The following EPRS1 variants were observed in gnomAD, a reference collection of about 807,000 sequenced individuals.
The protein encoded by EPRS1 is glutamyl-prolyl-tRNA synthetase 1.
EPRS1 carries 107 observed loss-of-function variants against 188.3 expected under a neutral mutation model. The ratio of observed to expected loss-of-function variants is 0.57; its 90% CI spans 0.49 to 0.67. EPRS1 has a LOEUF of 0.67. EPRS1 is among the 30% of genes least tolerant of loss of function. The pLI is 0.00. For synonymous variants in EPRS1, 596 were observed against 593.1 expected, an observed-to-expected ratio of 1.00 and a Z score of -0.07; for missense variants, 1,577 against 1,802.2, an observed-to-expected ratio of 0.88 and a Z score of 2.26.
chr1:220,028,173 T>C (rs1662019731), intron 6 of EPRS1, among the ~76,000 whole-genome samples: 3 of 152,194 alleles, frequency 2.0e-5, no homozygotes, highest in African/African-American at 7.2e-5. Flanking sequence ...AATATTGTGG[T>C]GTACTTTTAA....
Position 219,978,971 on chromosome 1 carries a change from T to G in EPRS1, c.3910-252A>C, listed in dbSNP as rs542748418. 5.5e-3 allele frequency among the ~76,000 whole-genome samples: 795 copies of G among 143,278 alleles called. 5 individuals are homozygous for G. Among genetic ancestry groups the G allele is most frequent in the Non-Finnish European group, 7.3e-3 (471 of 64,438 alleles). 94.0% of individuals were successfully genotyped at this position (143,278 alleles called of 152,430 possible). A position where few individuals can be genotyped will look rare whatever the true frequency, so the allele number is the denominator to read the frequency against. On this transcript the variant is annotated intron_variant, in intron 27 of 31. Transcript: ENST00000366923. ...GTATATATATATATATATATTTTTT[T>G]TTCCCCCCCAGCCTCCCAAGTAGCT...
In EPRS1 at chr1:219,980,217, A is replaced by G. The variant is rs2102563395; in HGVS notation, c.3579T>C (p.Tyr1193=). The change falls in exon 26 of 32, where the codon TAT becomes TAC. Residue 1193 remains tyrosine, a synonymous_variant. Transcript: ENST00000366923. ...AEEVLQILDL[Y]AQVYEELLAI... ...CCAGGAGTTCTTCATATACCTGAGC[A>G]TATAAGTCAAGTATCTGCAAGACCT... is the stretch of plus-strand genomic sequence containing the variant. 1 of 1,612,752 alleles carries G rather than the reference A, an allele frequency of 6.2e-7. No homozygotes were observed. Among genetic ancestry groups the G allele is most frequent in the Non-Finnish European group, 8.5e-7 (1 of 1,179,232 alleles).
chr1:220,005,755 G>A (rs570358841), intron 15 of EPRS1, among the ~76,000 whole-genome samples: 2 of 149,820 alleles, frequency 1.3e-5, no homozygotes, highest in Admixed American at 1.3e-4. Flanking sequence ...CCTCAGGTAA[G>A]TTACTCAACT....
Position 219,996,892 on chromosome 1 carries a change from C to T in EPRS1, c.2541+91G>A, listed in dbSNP as rs1000404774. ...GTTGATTATTACATCAAAATATGAG[C>T]AGTCGATGTTTTATAAGAAGATGAG... On this transcript the variant is annotated intron_variant, in intron 18 of 31. Transcript: ENST00000366923. 17 of 1,274,452 alleles carry T rather than the reference C, an allele frequency of 1.3e-5. No individual in the cohort carries two copies. The South Asian group carries it at 1.3e-4, about 10-fold the overall frequency. 78.9% of individuals were successfully genotyped at this position (1,274,452 alleles called of 1,614,324 possible). A position where few individuals can be genotyped will look rare whatever the true frequency, so the allele number is the denominator to read the frequency against.
At chr1:219,969,898 G>A (rs1035220724) in intron 30 of EPRS1, among the ~76,000 whole-genome samples, 6 of 151,978 alleles carry the variant, frequency 3.9e-5, no homozygotes, top group African/African-American at 1.5e-4. Context: ...TTGGCTCATT[G>A]CAACCTCTGC....
In EPRS1 at chr1:219,983,367, T is replaced by C; in HGVS notation, c.3122A>G (p.His1041Arg). The change falls in exon 22 of 32, where the codon CAT (histidine) becomes CGT (arginine). Residue 1041 changes from histidine (H) to arginine (R), a missense_variant. Physicochemically the swap from His to Arg is conservative, Grantham distance 29. Coordinates refer to ENST00000366923, the MANE Select transcript of EPRS1 (RefSeq NM_004446.3). Reference protein sequence around the residue: ...VITKSEMIEYHDISGCYILRP... With the variant: ...VITKSEMIEYRDISGCYILRP... ...AAGAATATAACAGCCACTTATGTCA[T>C]GGTATTCAATCATTTCTGACTTTGT... 2 of 1,613,712 alleles carry C rather than the reference T, an allele frequency of 1.2e-6. No homozygotes were observed. Among genetic ancestry groups the C allele is most frequent in the African/African-American group, 1.3e-5 (1 of 75,066 alleles).
rs1661839519 is a variant in EPRS1 at position 220,020,094 on chromosome 1, T to C, written c.1243A>G (p.Ile415Val). The C allele has an allele frequency of 6.2e-7, 1 of 1,613,920 alleles. No individual in the cohort carries two copies. The highest frequency in any genetic ancestry group is 1.3e-5 in the African/African-American group (1 of 74,942). Reference sequence around the variant, plus strand: ...TATTCCCAAATATATGGTTTTCTTATGCCTAAAGCTTCAATAATCCAGTAA... The same window carrying C: ...TATTCCCAAATATATGGTTTTCTTACGCCTAAAGCTTCAATAATCCAGTAA... ...QFYWIIEALG[I>V]RKPYIWEYSR... Residue 415 changes from isoleucine to valine, a missense_variant, in exon 10 of 32, where the codon ATA (isoleucine) becomes GTA (valine). Coordinates refer to ENST00000366923, the MANE Select transcript of EPRS1 (RefSeq NM_004446.3).
chr1:219,991,244 A>C (rs939814923), intron 18 of EPRS1, among the ~76,000 whole-genome samples: 3 of 151,880 alleles, frequency 2.0e-5, no homozygotes, highest in Non-Finnish European at 4.4e-5. Context: ...AAAAAAAAAA[A>C]AAAACCTGGA....
chr1:219,987,778 A>C (rs1661034032), intron 19 of EPRS1, among the ~76,000 whole-genome samples: 1 of 152,190 alleles, frequency 6.6e-6, no homozygotes, highest in Non-Finnish European at 1.5e-5. Flanking sequence ...ACAGTCTATA[A>C]CTGCATTATC....
Position 220,023,001 on chromosome 1 carries a change from T to A in EPRS1, c.944-483A>T, listed in dbSNP as rs965665203. On this transcript the variant is annotated intron_variant, in intron 8 of 31. Transcript: ENST00000366923. Reference sequence around the variant, plus strand: ...AGGCATTGGCACTACAGACCGTGCCTATCTAAAGAACACAGCTCAGGTTGA... The same window carrying A: ...AGGCATTGGCACTACAGACCGTGCCAATCTAAAGAACACAGCTCAGGTTGA... Among the ~76,000 whole-genome samples the A allele has an allele frequency of 3.9e-5, 6 of 152,198 alleles. No homozygotes were observed. The South Asian group carries it at 6.2e-4, about 16-fold the overall frequency.
intron 1 of EPRS1, among the ~76,000 whole-genome samples, chr1:220,040,680 G>A (rs1298179540): frequency 2.6e-5 from 4 of 151,890 alleles, no homozygotes; most frequent in African/African-American, 4.8e-5. Context: ...GAGAAACCCC[G>A]TCTCTACTAA....
Position 219,997,070 on chromosome 1 carries a change from T to G in EPRS1, c.2454A>C (p.Ala818=), listed in dbSNP as rs1661250189. The G allele has an allele frequency of 6.2e-7, 1 of 1,614,026 alleles. No individual in the cohort carries two copies. ...IGQNISSNSS[A]SILESKSLYD... is the part of the protein sequence containing the mutation. ...ACAGAGATTTACTTTCCAGAATACT[T>G]GCTGAGGAATTAGAAGAAATATTCT... The change falls in exon 18 of 32, where the codon GCA becomes GCC. Residue 818 remains alanine, a synonymous_variant. Coordinates refer to ENST00000366923, the MANE Select transcript of EPRS1 (RefSeq NM_004446.3).
intron 28 of EPRS1, among the ~76,000 whole-genome samples, 175 bp from the exon 29 acceptor site, chr1:219,973,573 C>G (rs949162045): frequency 8.8e-5 from 13 of 147,830 alleles, no homozygotes; most frequent in African/African-American, 3.2e-4. Flanking sequence ...ACTGTAGAAA[C>G]CTATTCCAGT....
chr1:219,996,827 T>C (rs561573479), intron 18 of EPRS1, among the ~76,000 whole-genome samples, 156 bp downstream of exon 18: 2 of 152,338 alleles, frequency 1.3e-5, no homozygotes, highest in South Asian at 2.1e-4. Flanking sequence ...GCTTCTTATA[T>C]ATATTTTCAG....
intron 12 of EPRS1, chr1:220,018,243 A>G: frequency 9.4e-7 from 1 of 1,068,102 alleles, no homozygotes; most frequent in Non-Finnish European, 1.4e-6. Flanking sequence ...TGTTTCAATC[A>G]TTGTTACTTA....
intron 24 of EPRS1, among the ~76,000 whole-genome samples, 182 bp downstream of exon 24, chr1:219,981,196 C>T (rs1660889457): frequency 6.6e-6 from 1 of 152,010 alleles, no homozygotes; most frequent in Non-Finnish European, 1.5e-5. Context: ...CCACGCCCAG[C>T]CACTTTCCAA....
At chr1:219,972,046 A>C (rs543027877) in intron 30 of EPRS1, 23 bp downstream of exon 30, 1 of 1,471,240 alleles carries the variant, frequency 6.8e-7, no homozygotes, top group East Asian at 2.3e-5. Context: ...TCTTATACTG[A>C]AAAGTTTTCC....
At chr1:220,033,879 C>T (rs202170995) in intron 3 of EPRS1, among the ~76,000 whole-genome samples, 2 of 144,686 alleles carry the variant, frequency 1.4e-5, no homozygotes, top group Non-Finnish European at 3.0e-5. Flanking sequence ...ATGCTTTCTG[C>T]TTTTTTTTTT....
chr1:219,989,617 G>A (rs948907706), intron 18 of EPRS1, among the ~76,000 whole-genome samples: 1 of 152,126 alleles, frequency 6.6e-6, no homozygotes, highest in African/African-American at 2.4e-5. Context: ...AATGAAACCA[G>A]GCAGAAGCCA....
Sources: allele counts gnomAD v4.1 joint callset (sites outside exome capture counted in the v4.1 genomes callset), GRCh38; gene constraint gnomAD v4.1.1; transcripts MANE v1.5; gene names NCBI Gene and HGNC (gene_info 2026-07-23, HGNC 2026-07-21).